Variants in DIPK1A observed in about 807,000 individuals in gnomAD.
DIPK1A encodes the protein family with sequence similarity 69 member A.
A neutral mutation model predicts 40.8 loss-of-function variants in DIPK1A; 27 were observed. The observed-to-expected ratio is 0.66, with a 90% CI of 0.49 to 0.91. DIPK1A has a LOEUF of 0.91. Among genes scored for constraint, DIPK1A ranks in the 40% least tolerant of loss-of-function variants. The pLI is 0.00. For missense variants in DIPK1A, 412 were observed against 505.7 expected, an observed-to-expected ratio of 0.81 and a Z score of 1.78; for synonymous variants, 166 against 171.3, an observed-to-expected ratio of 0.97 and a Z score of 0.24.
At chr1:92,858,200 A>G (rs1293676848) in intron 2 of DIPK1A, among the ~76,000 whole-genome samples, 2 of 152,212 alleles carry the variant, frequency 1.3e-5, no homozygotes, top group African/African-American at 2.4e-5. Flanking sequence ...GGGCTCCTGA[A>G]TCTTAAGAAA....
chr1:92,885,476 C>A (rs565755058), intron 1 of DIPK1A, among the ~76,000 whole-genome samples: 4 of 152,262 alleles, frequency 2.6e-5, no homozygotes. Context: ...CTACCTCAGT[C>A]TCCCAAGTAG....
intron 1 of DIPK1A, among the ~76,000 whole-genome samples, chr1:92,956,835 A>G (rs141108530): frequency 8.5e-4 from 130 of 152,334 alleles, no homozygotes; most frequent in African/African-American, 3.0e-3. Flanking sequence ...CCTACTGAAC[A>G]CATACTGAAA....
intron 1 of DIPK1A, among the ~76,000 whole-genome samples, chr1:92,881,063 C>T (rs982929625): frequency 6.8e-6 from 1 of 148,034 alleles, no homozygotes; most frequent in Non-Finnish European, 1.5e-5. Flanking sequence ...ATCACAGCTA[C>T]TCGGGAGGCT....
chr1:92,955,848 CT>C (rs1242873908), intron 1 of DIPK1A, among the ~76,000 whole-genome samples: 1 of 152,044 alleles, frequency 6.6e-6, no homozygotes, highest in African/African-American at 2.4e-5. Context: ...CAAGACCAGC[CT>C]GGGCAATGCA....
At chr1:92,944,965 G>A (rs528240037) in intron 1 of DIPK1A, among the ~76,000 whole-genome samples, 56 of 152,176 alleles carry the variant, frequency 3.7e-4, no homozygotes, top group African/African-American at 1.3e-3. Flanking sequence ...GAAAGCACTC[G>A]AAAAGTTTAC....
intron 1 of DIPK1A, chr1:92,931,981 A>G: frequency 2.2e-6 from 1 of 461,504 alleles, no homozygotes; most frequent in South Asian, 1.8e-5. Context: ...TAACAGATAG[A>G]CTGATAACAT....
At chr1:92,836,038 T>C (rs1444197140) in intron 4 of DIPK1A, 11 of 697,352 alleles carry the variant, frequency 1.6e-5, no homozygotes, top group Non-Finnish European at 2.8e-5. Context: ...CATTTAAAAA[T>C]TCATGAGCAA....
In DIPK1A at chr1:92,843,653, A is replaced by G. The variant is rs768647311; in HGVS notation, c.1017T>C (p.Tyr339=). The G allele has an allele frequency of 6.4e-7, 1 of 1,551,756 alleles. No individual in the cohort carries two copies. The highest frequency in any genetic ancestry group is 1.4e-5 in the African/African-American group (1 of 73,182). The change falls in exon 5 of 5, where the codon TAT becomes TAC. Residue 339 remains tyrosine, a synonymous_variant. Transcript: ENST00000370310. ...CACAGCTAGTTCTACAATCTGTGCC[A>G]TAGACACAGTCCAAATCAGACTCAC... ...RHCESDLDCV[Y]GTDCRTSCDQ...
chr1:92,888,506 ACTT>A (rs1403009175), intron 1 of DIPK1A, among the ~76,000 whole-genome samples: 1 of 152,200 alleles, frequency 6.6e-6, no homozygotes. Context: ...GAGTACAGAT[ACTT>A]CTTCAACATA....
chr1:92,838,485 A>G (rs770951053), downstream of DIPK1A, among the ~76,000 whole-genome samples: 2 of 152,192 alleles, frequency 1.3e-5, no homozygotes, highest in Non-Finnish European at 2.9e-5. Context: ...TCAGACTCCC[A>G]GTTTGTGCTT....
intron 1 of DIPK1A, among the ~76,000 whole-genome samples, chr1:92,904,119 AC>A (rs1236441581): frequency 6.6e-6 from 1 of 152,318 alleles, no homozygotes; most frequent in Admixed American, 6.5e-5. Flanking sequence ...CCAAAACAAA[AC>A]TTATAGAAAA....
intron 2 of DIPK1A, among the ~76,000 whole-genome samples, chr1:92,873,591 G>C (rs1189769708): frequency 1.3e-5 from 2 of 150,692 alleles, no homozygotes; most frequent in Non-Finnish European, 2.9e-5. Context: ...CTGCAGCCCG[G>C]GTGACAGAGC....
chr1:92,902,054 C>T (rs1649436151), intron 1 of DIPK1A, among the ~76,000 whole-genome samples: 1 of 152,040 alleles, frequency 6.6e-6, no homozygotes, highest in African/African-American at 2.4e-5. Flanking sequence ...CGCGGGAGGG[C>T]AGTGTGTGAA....
At chr1:92,888,481 C>T (rs1232292079) in intron 1 of DIPK1A, among the ~76,000 whole-genome samples, 6 of 152,064 alleles carry the variant, frequency 3.9e-5, no homozygotes, top group Admixed American at 3.9e-4. Flanking sequence ...GTGAATAGTG[C>T]TACAATAAAT....
At chr1:92,933,446 C>T (rs1161106982) in intron 1 of DIPK1A, 1 of 152,188 alleles carries the variant, frequency 6.6e-6, no homozygotes, top group Non-Finnish European at 1.5e-5. Context: ...CATCTATAAT[C>T]TCAACACTTT....
At chr1:92,895,041 C>T (rs1649096422) in intron 1 of DIPK1A, among the ~76,000 whole-genome samples, 1 of 151,982 alleles carries the variant, frequency 6.6e-6, no homozygotes, top group South Asian at 2.1e-4. Flanking sequence ...AAGTCCAGGA[C>T]CAGATGGACT....
At chr1:92,902,238 G>A (rs1217761753) in intron 1 of DIPK1A, among the ~76,000 whole-genome samples, 4 of 152,206 alleles carry the variant, frequency 2.6e-5, no homozygotes, top group Admixed American at 1.3e-4. Context: ...TTTCCCAAGA[G>A]ACAGGTTACT....
chr1:92,941,707 A>T (rs1265380365), intron 1 of DIPK1A, among the ~76,000 whole-genome samples: 2 of 152,180 alleles, frequency 1.3e-5, no homozygotes, highest in Non-Finnish European at 2.9e-5. Flanking sequence ...AGCAGAGCAC[A>T]CACCTCCATT....
chr1:92,944,505 A>T (rs1323301245), intron 1 of DIPK1A, among the ~76,000 whole-genome samples: 1 of 152,258 alleles, frequency 6.6e-6, no homozygotes, highest in Admixed American at 6.5e-5. Context: ...GCTTCTTGTC[A>T]GCAACAGGGG....
Sources: gnomAD v4.1 joint callset for allele counts (sites outside exome capture counted in the v4.1 genomes callset) on GRCh38, gnomAD v4.1.1 for gene constraint, MANE v1.5 for transcripts, NCBI Gene and HGNC (gene_info 2026-07-23, HGNC 2026-07-21) for gene names.